Variants in SLK observed in about 807,000 individuals in gnomAD.
SLK encodes STE20 like kinase, also known as STE20-like serine/threonine-protein kinase.
SLK carries 67 observed loss-of-function variants against 147.7 expected under a neutral mutation model. That is an observed-to-expected ratio of 0.45 (90% CI 0.37 to 0.56). The LOEUF is 0.56. Among genes scored for constraint, SLK ranks in the 20% least tolerant of loss-of-function variants. The probability of loss-of-function intolerance (pLI) is 0.00; values close to 1 mark genes in which losing one functional copy is unlikely to be tolerated. For missense variants in SLK, 1,136 were observed against 1,438.8 expected (o/e 0.79, Z 3.41); for synonymous variants, 441 against 475.0 (o/e 0.93, Z 0.93).
At chr10:103,995,499 TCACTGCAACCCCCACCTC>T (rs928322878) in intron 4 of SLK, among the ~76,000 whole-genome samples, 2 of 143,436 alleles carry the variant, frequency 1.4e-5, no homozygotes, top group African/African-American at 5.2e-5. Flanking sequence ...TGATCTCAGC[TCACTGCAACCCCCACCTC>T]CTGGGTTCAA....
intron 1 of SLK, chr10:103,974,598 G>C (rs1843837820): frequency 2.1e-5 from 1 of 48,708 alleles, no homozygotes; most frequent in Non-Finnish European, 3.7e-5. Flanking sequence ...CTGGGCCACA[G>C]AGCGAGACTC....
intron 1 of SLK, among the ~76,000 whole-genome samples, chr10:103,988,471 C>CA (rs34599412): frequency 1.2e-4 from 18 of 151,674 alleles, no homozygotes; most frequent in Non-Finnish European, 2.5e-4. Context: ...TGATTTTTCA[C>CA]AAAAAAAATT....
chr10:103,969,078 C>T (rs1474697156), intron 1 of SLK, among the ~76,000 whole-genome samples: 4 of 152,146 alleles, frequency 2.6e-5, no homozygotes, highest in Non-Finnish European at 5.9e-5. Flanking sequence ...AAGCGATTCT[C>T]CTGCCTCAGC....
At chr10:103,969,129 C>G (rs970962852) in intron 1 of SLK, among the ~76,000 whole-genome samples, 2 of 152,070 alleles carry the variant, frequency 1.3e-5, no homozygotes, top group Non-Finnish European at 2.9e-5. Context: ...GCCACCATGC[C>G]CGGCTAATTT....
intron 1 of SLK, among the ~76,000 whole-genome samples, chr10:103,988,544 G>A (rs1612212): frequency 0.21 from 32,438 of 151,976 alleles, 3,833 homozygotes; most frequent in African/African-American, 0.32. Flanking sequence ...CGGCATAAAT[G>A]GGTTTCAACC....
rs920405810 is a variant in SLK, at chr10:103,976,102, C to T, written c.150+8207C>T. 3.9e-5 allele frequency among the ~76,000 whole-genome samples: 6 copies of T among 152,022 alleles called. No homozygotes were observed. The East Asian group carries it at 1.2e-3, about 29-fold the overall frequency. ...ATTTTTTGTAGAGACGGGATTTTGC[C>T]ATGTTGCCCAGGCTGGTCTCAAATT... is the stretch of plus-strand genomic sequence containing the variant. On this transcript the variant is annotated intron_variant, in intron 1 of 18. Transcript: ENST00000369755.
In SLK at chr10:103,992,141, G is replaced by GTTTTTTTTTTTTTTTTTTTTTTT. The variant is rs56381345; in HGVS notation, c.316-439_316-438insTTTTTTTTTTTTTTTTTTTTTTT. Among the ~76,000 whole-genome samples, 509 of 91,742 alleles carry GTTTTTTTTTTTTTTTTTTTTTTT rather than the reference G, an allele frequency of 5.5e-3. 39 individuals are homozygous for GTTTTTTTTTTTTTTTTTTTTTTT. The highest frequency in any genetic ancestry group is 0.018 in the Middle Eastern group (2 of 114). The allele number at this position is 91,742 out of a possible 152,430, so 60.2% of individuals were successfully genotyped here. ...TGAAGCTTTTGTGGGTATTTCTTCTGTTTTTTTTTTTTTTTTTTCTAAAAG... is the reference window on the plus strand; with the variant it reads ...TGAAGCTTTTGTGGGTATTTCTTCTGTTTTTTTTTTTTTTTTTTTTTTTTTTTTTTTTTTTTTTTTTCTAAAAG... On this transcript the variant is annotated intron_variant, in intron 2 of 18. Transcript: ENST00000369755.
chr10:103,967,674 G>C lies in SLK; in HGVS notation c.-72G>C. The C allele has an allele frequency of 6.9e-7, 1 of 1,459,812 alleles. No individual in the cohort carries two copies. The highest frequency in any genetic ancestry group is 9.3e-7 in the Non-Finnish European group (1 of 1,074,234). 90.4% of individuals were successfully genotyped at this position (1,459,812 alleles called of 1,614,324 possible). ...CCGCCAGCCGGGCTCGCGCGGGAGA[G>C]CAGGGAAGAGAAACTTTGCCTTTTA... On this transcript the variant is annotated 5_prime_UTR_variant, in exon 1 of 19. Coordinates refer to ENST00000369755, the MANE Select transcript of SLK (RefSeq NM_014720.4).
chr10:103,980,423 C>T (rs1405481150), intron 1 of SLK, among the ~76,000 whole-genome samples: 1 of 152,024 alleles, frequency 6.6e-6, no homozygotes, highest in Non-Finnish European at 1.5e-5. Context: ...CAACTGTCAC[C>T]ACTGTCTGTC....
chr10:103,984,972 G>A (rs1356036168), intron 1 of SLK, among the ~76,000 whole-genome samples: 1 of 152,140 alleles, frequency 6.6e-6, no homozygotes, highest in Non-Finnish European at 1.5e-5. Flanking sequence ...AGATTTTTAT[G>A]CAGTAGTTCC....
chr10:104,013,222 T>C (rs948894066), intron 13 of SLK, among the ~76,000 whole-genome samples: 1 of 152,254 alleles, frequency 6.6e-6, no homozygotes, highest in African/African-American at 2.4e-5. Flanking sequence ...CTAGAACATA[T>C]TTGATCATTT....
intron 1 of SLK, among the ~76,000 whole-genome samples, chr10:103,975,531 A>G (rs1161976689): frequency 3.2e-5 from 4 of 124,734 alleles, no homozygotes; most frequent in African/African-American, 9.2e-5. Flanking sequence ...CATCTCTTAG[A>G]CTACTGCAGT....
At chr10:104,000,807 CA>C (rs1253727298) in intron 7 of SLK, among the ~76,000 whole-genome samples, 1 of 151,952 alleles carries the variant, frequency 6.6e-6, no homozygotes, top group Non-Finnish European at 1.5e-5. Flanking sequence ...CCTGTAATCC[CA>C]GCACTTTGGG....
intron 18 of SLK, 30 bp from the exon 19 acceptor site, chr10:104,025,544 T>C (rs760640011): frequency 1.9e-6 from 3 of 1,608,000 alleles, no homozygotes; most frequent in Non-Finnish European, 2.6e-6. Flanking sequence ...TACCAGCACA[T>C]AGCAATTTCT....
chr10:103,984,042 C>T (rs965556052), intron 1 of SLK, among the ~76,000 whole-genome samples: 1 of 152,106 alleles, frequency 6.6e-6, no homozygotes, highest in Admixed American at 6.5e-5. Flanking sequence ...TTTCAGTTGG[C>T]AACAGAGTTA....
rs1844609779 is a variant in SLK at position 104,027,220 on chromosome 10, CTT to C, written c.*1502_*1503del. The C allele has an allele frequency of 6.6e-6, 1 of 152,572 alleles. No homozygotes were observed. Among genetic ancestry groups the C allele is most frequent in the African/African-American group, 2.4e-5 (1 of 41,426 alleles). The allele number at this position is 152,572 out of a possible 1,614,324, so 9.5% of individuals were successfully genotyped here. ...CACTTTCTTGCAGTTAATTTGAAAA[CTT>C]TGGATGCTGAACCTTGTTTGTCAGT... On this transcript the variant is annotated 3_prime_UTR_variant, in exon 19 of 19. Transcript: ENST00000369755.
At chr10:103,990,188 G>A (rs763787342) in intron 1 of SLK, among the ~76,000 whole-genome samples, 12 of 152,310 alleles carry the variant, frequency 7.9e-5, no homozygotes, top group Middle Eastern at 3.4e-3. Flanking sequence ...TTGGAGGAAG[G>A]AGGGGATGAG....
intron 4 of SLK, 116 bp downstream of exon 4, chr10:103,993,249 C>T: frequency 1.5e-6 from 1 of 647,322 alleles, no homozygotes; most frequent in African/African-American, 1.9e-5. Context: ...GGAGAACTAA[C>T]TCCATGCTGG....
In SLK at chr10:104,008,273, C is replaced by T. The variant is rs777801234; in HGVS notation, c.2701C>T (p.Arg901Ter). ...GGAACAAGAGCACACAAATCGCTTG[C>T]GAGATGAAGCCAAACGCATCAAAGG... ...RLEQEHTNRLRDEAKRIKGEQ... is the reference protein window; with the variant it reads ...RLEQEHTNRL The change falls in exon 12 of 19, where the codon CGA becomes TGA. Residue 901 changes from arginine to a stop codon, truncating the protein, a stop_gained. Transcript: ENST00000369755. LOFTEE classifies it high-confidence loss of function. 2 of 1,613,712 alleles carry T rather than the reference C, an allele frequency of 1.2e-6. No homozygotes were observed. The highest frequency in any genetic ancestry group is 1.1e-5 in the South Asian group (1 of 91,052).
Sources: allele counts gnomAD v4.1 joint callset (sites outside exome capture counted in the v4.1 genomes callset), GRCh38; gene constraint gnomAD v4.1.1; transcripts MANE v1.5; gene names NCBI Gene and HGNC (gene_info 2026-07-23, HGNC 2026-07-21).